Variants in KBTBD12 observed in about 807,000 individuals in gnomAD.
KBTBD12 encodes the protein kelch repeat and BTB domain-containing protein 12.
Under a neutral mutation model 58.7 loss-of-function variants are expected in KBTBD12, and 53 were observed. The ratio of observed to expected loss-of-function variants is 0.90; its 90% CI spans 0.72 to 1.14. The LOEUF (loss-of-function observed/expected upper bound fraction) is 1.14. KBTBD12 is among the 50% of genes most tolerant of loss of function. KBTBD12 has a pLI of 0.00. For synonymous variants in KBTBD12, 236 were observed against 259.8 expected, an observed-to-expected ratio of 0.91 and a Z score of 0.88; for missense variants, 704 against 751.3, an observed-to-expected ratio of 0.94 and a Z score of 0.74.
At chr3:127,936,165 A>G (rs1196563560) in intron 4 of KBTBD12, among the ~76,000 whole-genome samples, 1 of 152,160 alleles carries the variant, frequency 6.6e-6, no homozygotes, top group African/African-American at 2.4e-5. Context: ...CAGAAGTTCA[A>G]CACCAGAGTG....
intron 4 of KBTBD12, among the ~76,000 whole-genome samples, chr3:127,955,665 G>GA (rs904159809): frequency 6.6e-5 from 10 of 152,182 alleles, no homozygotes; most frequent in Non-Finnish European, 8.8e-5. Flanking sequence ...ATTCTGGCGT[G>GA]AAAAAAATCA....
chr3:127,984,136 A>G lies in KBTBD12; in HGVS notation c.1730A>G (p.Asp577Gly). The part of the protein sequence containing the change: ...EVISKEILEL[D>G]PWENQWNVVA... ...ATCTCCAAAGAAATATTGGAACTGGACCCATGGGAAAACCAGTGGAATGTT... is the reference window on the plus strand; with the variant it reads ...ATCTCCAAAGAAATATTGGAACTGGGCCCATGGGAAAACCAGTGGAATGTT... The change falls in exon 6 of 6, where the codon GAC (aspartate) becomes GGC (glycine). Residue 577 changes from aspartate (D) to glycine (G), a missense_variant. Transcript: ENST00000405109. 2 of 1,613,866 alleles carry G rather than the reference A, an allele frequency of 1.2e-6. No homozygotes were observed. Among genetic ancestry groups the G allele is most frequent in the African/African-American group, 1.3e-5 (1 of 75,006 alleles).
intron 4 of KBTBD12, among the ~76,000 whole-genome samples, chr3:127,948,766 G>A (rs1022903819): frequency 6.6e-6 from 1 of 152,164 alleles, no homozygotes; most frequent in African/African-American, 2.4e-5. Flanking sequence ...ATTCAGTCAC[G>A]TTTGTTAGAT....
intron 1 of KBTBD12, among the ~76,000 whole-genome samples, chr3:127,919,636 G>A (rs1211555055): frequency 6.6e-6 from 1 of 152,156 alleles, no homozygotes; most frequent in Non-Finnish European, 1.5e-5. Flanking sequence ...TGGAGGGAGG[G>A]CTATAACCAC....
chr3:127,931,029 G>A (rs576597203), intron 4 of KBTBD12, among the ~76,000 whole-genome samples: 2 of 152,230 alleles, frequency 1.3e-5, no homozygotes, highest in South Asian at 2.1e-4. Context: ...AATGAGGCAG[G>A]GAGGTTGACT....
chr3:127,979,840 A>G (rs947197026), intron 5 of KBTBD12, among the ~76,000 whole-genome samples: 3 of 152,364 alleles, frequency 2.0e-5, no homozygotes, highest in African/African-American at 7.2e-5. Context: ...CTAACCATAA[A>G]TTAGGGCAAA....
At chr3:127,978,628 G>C (rs533503437) in intron 5 of KBTBD12, among the ~76,000 whole-genome samples, 1 of 151,804 alleles carries the variant, frequency 6.6e-6, no homozygotes, top group Non-Finnish European at 1.5e-5. Flanking sequence ...TCTTTTTTTC[G>C]TTCTTTACCC....
chr3:127,957,256 AT>A (rs1338814289), intron 4 of KBTBD12, among the ~76,000 whole-genome samples: 4 of 152,122 alleles, frequency 2.6e-5, no homozygotes, highest in African/African-American at 7.2e-5. Context: ...TTATTATAAT[AT>A]TTTTTCTTTA....
chr3:127,958,812 C>G (rs535401283), intron 4 of KBTBD12, among the ~76,000 whole-genome samples: 3 of 151,958 alleles, frequency 2.0e-5, no homozygotes, highest in South Asian at 2.1e-4. Context: ...CCTGGCCTGG[C>G]AAGAAAAAGC....
intron 4 of KBTBD12, among the ~76,000 whole-genome samples, chr3:127,941,833 G>A (rs1939957498): frequency 1.3e-5 from 2 of 152,016 alleles, no homozygotes; most frequent in South Asian, 4.2e-4. Context: ...CTCCTGATCT[G>A]AAGTGATCCA....
chr3:127,929,987 ATGGGGTT>A, intron 3 of KBTBD12, 139 bp from the exon 4 acceptor site: 1 of 648,004 alleles, frequency 1.5e-6, no homozygotes, highest in Middle Eastern at 4.2e-4. Context: ...AACCCCCGTC[ATGGGGTT>A]TGGTGTGTTT....
rs1320180907 is a variant in KBTBD12 at position 127,963,197 on chromosome 3, G to A, written c.1501G>A (p.Gly501Ser). ...NSEIYVLGGI[G>S]CVGQDKGQVR... ...CACATAATTCTCTGCAGGTGGCATT[G>A]GCTGTGTAGGTCAAGACAAGGGCCA... is the stretch of plus-strand genomic sequence containing the variant. Residue 501 changes from glycine (G) to serine (S), a missense_variant, in exon 5 of 6, where the codon GGC (glycine) becomes AGC (serine). Coordinates refer to ENST00000405109, the MANE Select transcript of KBTBD12 (RefSeq NM_207335.4). 1 of 1,602,910 alleles carries A rather than the reference G, an allele frequency of 6.2e-7. No individual in the cohort carries two copies. The highest frequency in any genetic ancestry group is 8.5e-7 in the Non-Finnish European group (1 of 1,174,232).
chr3:127,963,263 G>A lies in KBTBD12; in HGVS notation c.1567G>A (p.Asp523Asn), dbSNP rs529053280. Residue 523 changes from aspartate (D) to asparagine (N), a missense_variant, in exon 5 of 6, where the codon GAT (aspartate) becomes AAT (asparagine). Physicochemically the swap from Asp to Asn is conservative, Grantham distance 23 (BLOSUM62 1). Coordinates refer to ENST00000405109, the MANE Select transcript of KBTBD12 (RefSeq NM_207335.4). ...TGACGTGGTGGAGATCTACAACCCA[G>A]ATGGGGACTTTTGGCGAGAGGGCCC... ...CLDVVEIYNP[D>N]GDFWREGPPM... is the part of the protein sequence containing the mutation. 48 of 1,612,770 alleles carry A rather than the reference G, an allele frequency of 3.0e-5. 1 individual carries two copies. In the South Asian group the frequency reaches 4.7e-4, roughly 16 times the overall value.
intron 3 of KBTBD12, among the ~76,000 whole-genome samples, chr3:127,929,398 C>T (rs1939648822): frequency 6.6e-6 from 1 of 152,114 alleles, no homozygotes; most frequent in Non-Finnish European, 1.5e-5. Flanking sequence ...AAAAATGGCA[C>T]TCATGAATCC....
chr3:127,949,708 A>C (rs866912659), intron 4 of KBTBD12, among the ~76,000 whole-genome samples: 1 of 152,174 alleles, frequency 6.6e-6, no homozygotes, highest in Non-Finnish European at 1.5e-5. Context: ...CCAAGTTGCG[A>C]AACAGAATGG....
In KBTBD12 at chr3:127,966,379, T is replaced by C. The variant is rs1940570848; in HGVS notation, c.1690+2993T>C. 2.0e-5 allele frequency among the ~76,000 whole-genome samples: 3 copies of C among 152,234 alleles called. No individual in the cohort carries two copies. The South Asian group carries it at 6.2e-4, about 32-fold the overall frequency. On this transcript the variant is annotated intron_variant, in intron 5 of 5. Transcript: ENST00000405109. ...ATCACCGAACATCTGAGGAAGTGCATAGATGAAAGATAGAAAGCAAACTGG... is the reference window on the plus strand; with the variant it reads ...ATCACCGAACATCTGAGGAAGTGCACAGATGAAAGATAGAAAGCAAACTGG...
At chr3:127,974,955 A>G (rs1940754961) in intron 5 of KBTBD12, among the ~76,000 whole-genome samples, 1 of 152,254 alleles carries the variant, frequency 6.6e-6, no homozygotes, top group Non-Finnish European at 1.5e-5. Flanking sequence ...CCTGGGTGAC[A>G]GAGCGAGACT....
At chr3:127,920,452 A>G (rs1204473851) in intron 1 of KBTBD12, among the ~76,000 whole-genome samples, 1 of 146,028 alleles carries the variant, frequency 6.8e-6, no homozygotes, top group East Asian at 2.0e-4. Context: ...CTGATCTCCT[A>G]TTAAGGGATG....
At position 127,915,517 on chromosome 3, in the gene KBTBD12, C is replaced by A. The variant is rs1238808330; in HGVS notation, c.-182C>A. The A allele has an allele frequency of 6.6e-6, 1 of 152,496 alleles. No individual in the cohort carries two copies. The highest frequency in any genetic ancestry group is 6.5e-5 in the Admixed American group (1 of 15,290). 9.4% of individuals were successfully genotyped at this position (152,496 alleles called of 1,614,324 possible). A position where few individuals can be genotyped will look rare whatever the true frequency, so the allele number is the denominator to read the frequency against. On this transcript the variant is annotated 5_prime_UTR_variant, in exon 1 of 6. Transcript: ENST00000405109. ...CAGTCAGGCCCGCTGGCCGCCCTGC[C>A]ACACGGTAGCGTCCAAGCCAGGTCG...
Sources: allele counts gnomAD v4.1 joint callset (sites outside exome capture counted in the v4.1 genomes callset), GRCh38; gene constraint gnomAD v4.1.1; transcripts MANE v1.5; gene names NCBI Gene and HGNC (gene_info 2026-07-23, HGNC 2026-07-21).